The following CYP7B1 variants were observed in gnomAD, a reference collection of about 807,000 sequenced individuals.
The protein encoded by CYP7B1 is cytochrome P450 family 7 subfamily B member 1.
CYP7B1 carries 29 observed loss-of-function variants against 42.7 expected under a neutral mutation model. The ratio of observed to expected loss-of-function variants is 0.68; its 90% CI spans 0.51 to 0.93. The LOEUF (loss-of-function observed/expected upper bound fraction) is 0.93, where lower values mean the gene tolerates loss of function less well. Ranked by LOEUF, CYP7B1 falls within the 40% of genes least tolerant of loss-of-function variation. The pLI, the probability that CYP7B1 is intolerant of heterozygous loss-of-function variation, is 0.00. For missense variants in CYP7B1, 655 were observed against 600.5 expected (o/e 1.09, Z -0.95); for synonymous variants, 235 against 218.2 (o/e 1.08, Z -0.68).
chr8:64,656,190 TTAAA>T (rs1256124472), intron 1 of CYP7B1, among the ~76,000 whole-genome samples: 1 of 152,108 alleles, frequency 6.6e-6, no homozygotes, highest in Non-Finnish European at 1.5e-5. Flanking sequence ...CTCGTTTCTT[TTAAA>T]TAAATAAATC....
chr8:64,617,200 G>A (rs1478349044), intron 2 of CYP7B1, among the ~76,000 whole-genome samples: 5 of 152,100 alleles, frequency 3.3e-5, no homozygotes, highest in Non-Finnish European at 7.4e-5. Context: ...TTAAAAACTT[G>A]GGATGCTTGC....
At chr8:64,645,589 G>A (rs1805938797) in intron 1 of CYP7B1, among the ~76,000 whole-genome samples, 2 of 152,138 alleles carry the variant, frequency 1.3e-5, no homozygotes, top group Non-Finnish European at 2.9e-5. Flanking sequence ...TCGTGGGTAG[G>A]AAGAATCAAT....
chr8:64,601,258 T>A (rs1421858822), intron 5 of CYP7B1, among the ~76,000 whole-genome samples: 1 of 152,216 alleles, frequency 6.6e-6, no homozygotes, highest in African/African-American at 2.4e-5. Context: ...AACAAGATCT[T>A]CCATCTTCAG....
chr8:64,686,084 C>G (rs1585855296), intron 1 of CYP7B1, among the ~76,000 whole-genome samples: 1 of 123,718 alleles, frequency 8.1e-6, no homozygotes, highest in African/African-American at 3.1e-5. Flanking sequence ...GGCCAGCCGC[C>G]CCGTCCGGGA....
Position 64,708,061 on chromosome 8 carries a change from C to T in CYP7B1, c.123-83522G>A, listed in dbSNP as rs139068791. ...AGCATGGACTATCAGCAGAAAGAGG[C>T]AAAGGATATTATGTTCTTTTCTTCC... On this transcript the variant is annotated intron_variant, in intron 1 of 5. Coordinates refer to ENST00000310193, the MANE Select transcript of CYP7B1 (RefSeq NM_004820.5). Among the ~76,000 whole-genome samples, 370 of 152,204 alleles carry T rather than the reference C, an allele frequency of 2.4e-3. 1 individual carries two copies. Among genetic ancestry groups the T allele is most frequent in the Non-Finnish European group, 3.5e-3 (239 of 67,998 alleles).
intron 1 of CYP7B1, among the ~76,000 whole-genome samples, chr8:64,666,996 A>C (rs933356966): frequency 6.6e-6 from 1 of 152,194 alleles, no homozygotes; most frequent in Non-Finnish European, 1.5e-5. Context: ...CATACTTCTC[A>C]CTCAAATAAC....
intron 1 of CYP7B1, among the ~76,000 whole-genome samples, chr8:64,788,912 G>A (rs1446685603): frequency 6.6e-6 from 1 of 152,020 alleles, no homozygotes; most frequent in Admixed American, 6.5e-5. Context: ...GTAGCTTTTT[G>A]TACTTCGCAC....
chr8:64,671,769 T>C (rs1806371105), intron 1 of CYP7B1, among the ~76,000 whole-genome samples: 1 of 152,112 alleles, frequency 6.6e-6, no homozygotes, highest in Non-Finnish European at 1.5e-5. Context: ...CGTATATATC[T>C]CCTACTGGTT....
chr8:64,658,390 G>T (rs1036005746), intron 1 of CYP7B1, among the ~76,000 whole-genome samples: 3 of 151,860 alleles, frequency 2.0e-5, no homozygotes, highest in African/African-American at 7.3e-5. Context: ...ACACTGAGAA[G>T]TAAAGTTTTT....
intron 1 of CYP7B1, among the ~76,000 whole-genome samples, chr8:64,781,963 T>A (rs1047386749): frequency 6.6e-6 from 1 of 152,186 alleles, no homozygotes; most frequent in Admixed American, 6.5e-5. Flanking sequence ...TGAGTGAGGA[T>A]AAAATGAGAC....
At chr8:64,588,947 C>T (rs1376448369), downstream of CYP7B1, among the ~76,000 whole-genome samples, 3 of 152,188 alleles carry the variant, frequency 2.0e-5, no homozygotes, top group Non-Finnish European at 2.9e-5. Flanking sequence ...TTAATACCTG[C>T]GTCTAAATAA....
chr8:64,798,349 A>C, intron 1 of CYP7B1, 117 bp downstream of exon 1: 1 of 1,352,822 alleles, frequency 7.4e-7, no homozygotes, highest in Non-Finnish European at 9.5e-7. Flanking sequence ...AGTACCCCGC[A>C]GCAAGTTCTG....
intron 1 of CYP7B1, chr8:64,732,851 C>G (rs984306912): frequency 1.3e-5 from 2 of 152,628 alleles, no homozygotes; most frequent in Non-Finnish European, 1.5e-5. Context: ...TTGCTCTGCA[C>G]TTCTCCTTCC....
intron 1 of CYP7B1, among the ~76,000 whole-genome samples, chr8:64,700,023 C>T (rs1585864127): frequency 6.6e-6 from 1 of 152,082 alleles, no homozygotes; most frequent in East Asian, 1.9e-4. Flanking sequence ...GCTCATATGT[C>T]ACTGAGATAA....
chr8:64,789,314 A>T (rs996020792), intron 1 of CYP7B1, among the ~76,000 whole-genome samples: 10 of 152,224 alleles, frequency 6.6e-5, no homozygotes, highest in Non-Finnish European at 1.3e-4. Flanking sequence ...ATAACCATAC[A>T]TCTCAAAATT....
intron 1 of CYP7B1, among the ~76,000 whole-genome samples, chr8:64,672,991 G>C (rs1806388689): frequency 6.6e-6 from 1 of 152,078 alleles, no homozygotes; most frequent in Admixed American, 6.6e-5. Context: ...TGTCAAGTAT[G>C]AATAGAGTAG....
At chr8:64,679,913 A>G (rs964851528) in intron 1 of CYP7B1, among the ~76,000 whole-genome samples, 1 of 152,054 alleles carries the variant, frequency 6.6e-6, no homozygotes, top group African/African-American at 2.4e-5. Flanking sequence ...TTTCTGGTAA[A>G]AGCACTTAAC....
At chr8:64,605,868 A>T (rs1345500655) in intron 4 of CYP7B1, among the ~76,000 whole-genome samples, 1 of 152,208 alleles carries the variant, frequency 6.6e-6, no homozygotes, top group Non-Finnish European at 1.5e-5. Context: ...ACACACACAC[A>T]GAGCCCCGTT....
At chr8:64,647,964 TA>T (rs1805979159) in intron 1 of CYP7B1, among the ~76,000 whole-genome samples, 1 of 152,228 alleles carries the variant, frequency 6.6e-6, no homozygotes, top group Non-Finnish European at 1.5e-5. Context: ...TGGCTACTCT[TA>T]GCTTTATGGC....
Sources: allele counts gnomAD v4.1 joint callset (sites outside exome capture counted in the v4.1 genomes callset), GRCh38; gene constraint gnomAD v4.1.1; transcripts MANE v1.5; gene names NCBI Gene and HGNC (gene_info 2026-07-23, HGNC 2026-07-21).